The following PDGFRA variants were observed in gnomAD, a reference collection of about 807,000 sequenced individuals.
PDGFRA encodes platelet-derived growth factor receptor alpha.
In PDGFRA, 25 loss-of-function variants were observed where a neutral mutation model predicts 121.5. That is an observed-to-expected ratio of 0.21 (90% CI 0.15 to 0.29). The LOEUF (loss-of-function observed/expected upper bound fraction) is 0.29. Among genes scored for constraint, PDGFRA ranks in the 10% least tolerant of loss-of-function variants. PDGFRA has a pLI of 1.00. For synonymous variants in PDGFRA, 463 were observed against 494.8 expected, an observed-to-expected ratio of 0.94 and a Z score of 0.85; for missense variants, 1,008 against 1,345.1, an observed-to-expected ratio of 0.75 and a Z score of 3.92.
chr4:54,244,833 G>A (rs769337756), intron 1 of PDGFRA, among the ~76,000 whole-genome samples: 28 of 152,144 alleles, frequency 1.8e-4, no homozygotes, highest in Non-Finnish European at 3.5e-4. Flanking sequence ...AACTTTAGAC[G>A]AATCTATAAC....
At chr4:54,294,457 C>T (rs751586732) in intron 22 of PDGFRA, among the ~76,000 whole-genome samples, 71 of 152,162 alleles carry the variant, frequency 4.7e-4, no homozygotes, top group Non-Finnish European at 8.1e-4. Flanking sequence ...GAATTTGACA[C>T]GCCAGGAATT....
At chr4:54,270,076 A>C (rs1440647777) in intron 7 of PDGFRA, among the ~76,000 whole-genome samples, 1 of 152,024 alleles carries the variant, frequency 6.6e-6, no homozygotes, top group Non-Finnish European at 1.5e-5. Context: ...CCTCCTCCCC[A>C]CAGGGAAACA....
At chr4:54,237,638 G>A (rs1031176640) in intron 1 of PDGFRA, among the ~76,000 whole-genome samples, 1 of 152,222 alleles carries the variant, frequency 6.6e-6, no homozygotes. Flanking sequence ...GGGGCCCACT[G>A]TGCCTGCCAC....
chr4:54,276,760 A>G (rs1394062220), intron 12 of PDGFRA: 5 of 153,278 alleles, frequency 3.3e-5, no homozygotes, highest in African/African-American at 1.2e-4. Flanking sequence ...CACCCCGGGA[A>G]ATGTTTCTCT....
chr4:54,289,040 G>A lies in PDGFRA; in HGVS notation c.2806G>A (p.Glu936Lys). ...YEIMVKCWNS[E>K]PEKRPSFYHL... Reference sequence around the variant, plus strand: ...GATCATGGTGAAATGCTGGAACAGTGAGCCGGAGAAGAGACCCTCCTTTTA... The same window carrying A: ...GATCATGGTGAAATGCTGGAACAGTAAGCCGGAGAAGAGACCCTCCTTTTA... The change falls in exon 21 of 23, where the codon GAG becomes AAG. Residue 936 changes from glutamate (E) to lysine (K), a missense_variant. Glu to Lys is a moderately conservative substitution (Grantham distance 56, BLOSUM62 1). Coordinates refer to ENST00000257290, the MANE Select transcript of PDGFRA (RefSeq NM_006206.6). The A allele has an allele frequency of 6.2e-7, 1 of 1,611,972 alleles. No individual in the cohort carries two copies. Among genetic ancestry groups the A allele is most frequent in the Non-Finnish European group, 8.5e-7 (1 of 1,178,058 alleles).
intron 5 of PDGFRA, chr4:54,265,441 A>G: frequency 3.3e-6 from 1 of 303,802 alleles, no homozygotes; most frequent in South Asian, 3.2e-5. Flanking sequence ...CTGAGGTTTG[A>G]TTCATCTGAT....
chr4:54,244,510 G>T (rs1284326310), intron 1 of PDGFRA, among the ~76,000 whole-genome samples: 1 of 152,212 alleles, frequency 6.6e-6, no homozygotes, highest in Non-Finnish European at 1.5e-5. Flanking sequence ...TGAGGATCCT[G>T]TCTGTTAGAA....
At chr4:54,255,594 C>T (rs1306923126) in intron 1 of PDGFRA, among the ~76,000 whole-genome samples, 1 of 151,762 alleles carries the variant, frequency 6.6e-6, no homozygotes, top group Non-Finnish European at 1.5e-5. Context: ...CAAGCTCCAC[C>T]TCCTGGGTTC....
intron 1 of PDGFRA, among the ~76,000 whole-genome samples, chr4:54,231,275 G>A (rs1284305810): frequency 6.6e-6 from 1 of 152,230 alleles, no homozygotes; most frequent in African/African-American, 2.4e-5. Flanking sequence ...GAAAAGCCGC[G>A]GGCTGGGCGG....
intron 4 of PDGFRA, chr4:54,264,268 A>G (rs1722915591): frequency 2.4e-6 from 1 of 424,204 alleles, no homozygotes; most frequent in South Asian, 4.0e-5. Context: ...AGATGCCTAG[A>G]TTAATTTTAG....
chr4:54,252,085 G>A (rs878977478), intron 1 of PDGFRA, among the ~76,000 whole-genome samples: 2 of 152,144 alleles, frequency 1.3e-5, no homozygotes, highest in Non-Finnish European at 2.9e-5. Context: ...CTGCAATTTA[G>A]GCAGACCCTG....
intron 14 of PDGFRA, 80 bp downstream of exon 14, chr4:54,278,086 C>A: frequency 1.2e-6 from 1 of 866,060 alleles, no homozygotes; most frequent in Non-Finnish European, 2.0e-6. Flanking sequence ...TTAAATCCTC[C>A]ACTCTCCATC....
chr4:54,246,946 T>G (rs144994980), intron 1 of PDGFRA, among the ~76,000 whole-genome samples: 2,215 of 151,732 alleles, frequency 0.015, 33 homozygotes, highest in Non-Finnish European at 0.021. Context: ...AACACCTCTA[T>G]GCAAATAAAC....
intron 5 of PDGFRA, 117 bp downstream of exon 5, chr4:54,265,166 T>G (rs1190679503): frequency 1.6e-5 from 15 of 942,434 alleles, no homozygotes; most frequent in Middle Eastern, 2.5e-4. Context: ...AGACCTTAGC[T>G]TCCCACCTCT....
intron 16 of PDGFRA, chr4:54,282,006 C>T (rs1024949453): frequency 5.9e-6 from 6 of 1,023,434 alleles, no homozygotes; most frequent in Non-Finnish European, 7.1e-6. Context: ...TATGTGTGCT[C>T]CATGTATTTC....
At chr4:54,250,797 G>A (rs899581297) in intron 1 of PDGFRA, among the ~76,000 whole-genome samples, 2 of 152,154 alleles carry the variant, frequency 1.3e-5, no homozygotes, top group Admixed American at 1.3e-4. Flanking sequence ...GGGCATGATG[G>A]CTCACAACTG....
At chr4:54,250,471 T>C (rs1283607761) in intron 1 of PDGFRA, among the ~76,000 whole-genome samples, 1 of 152,222 alleles carries the variant, frequency 6.6e-6, no homozygotes, top group Non-Finnish European at 1.5e-5. Flanking sequence ...TATTTGGCTT[T>C]CTTTGGACTA....
chr4:54,258,965 C>T, intron 2 of PDGFRA, 148 bp downstream of exon 2: 2 of 726,294 alleles, frequency 2.8e-6, no homozygotes, highest in Non-Finnish European at 4.9e-6. Context: ...TCCAGAATGA[C>T]CACAAACCTT....
chr4:54,245,216 A>G (rs577632275), intron 1 of PDGFRA, among the ~76,000 whole-genome samples: 2 of 152,278 alleles, frequency 1.3e-5, no homozygotes, highest in African/African-American at 4.8e-5. Flanking sequence ...AAATACAGAG[A>G]ACGCCACAAA....
Sources: allele counts gnomAD v4.1 joint callset (sites outside exome capture counted in the v4.1 genomes callset), GRCh38; gene constraint gnomAD v4.1.1; transcripts MANE v1.5; gene names NCBI Gene and HGNC (gene_info 2026-07-23, HGNC 2026-07-21).